KLRC1: variants seen among roughly 807,000 people sequenced by gnomAD.
The protein encoded by KLRC1 is killer cell lectin like receptor C1, also known as NKG2-A/NKG2-B type II integral membrane protein.
Under a neutral mutation model 25.9 loss-of-function variants are expected in KLRC1, and 22 were observed. That is an observed-to-expected ratio of 0.85 (90% CI 0.61 to 1.21). The LOEUF (loss-of-function observed/expected upper bound fraction) is 1.21, where lower values mean the gene tolerates loss of function less well. Ranked by LOEUF, KLRC1 falls within the 50% of genes most tolerant of loss-of-function variation. The probability of loss-of-function intolerance (pLI) is 0.00; values close to 1 mark genes in which losing one functional copy is unlikely to be tolerated. For synonymous variants in KLRC1, 77 were observed against 93.1 expected, an observed-to-expected ratio of 0.83 and a Z score of 0.99; for missense variants, 240 against 272.2, an observed-to-expected ratio of 0.88 and a Z score of 0.83.
chr12:10,444,286 A>G (rs1447195143), downstream of KLRC1, among the ~76,000 whole-genome samples: 2 of 145,152 alleles, frequency 1.4e-5, no homozygotes, highest in Non-Finnish European at 3.0e-5. Context: ...TAATGTTACA[A>G]TAGAGAGAAC....
At chr12:10,447,468 A>G (rs1461642397) in intron 6 of KLRC1, 64 bp downstream of exon 6, 51 of 1,293,710 alleles carry the variant, frequency 3.9e-5, no homozygotes, top group East Asian at 2.7e-4. Flanking sequence ...ATTTATTCAT[A>G]TTATTCTTCT....
intron 1 of KLRC1, 92 bp downstream of exon 1, chr12:10,453,106 T>G (rs753693510): frequency 2.0e-5 from 9 of 448,626 alleles, no homozygotes; most frequent in Admixed American, 6.4e-5. Flanking sequence ...TTATTGTATA[T>G]TAATTATACC....
upstream of KLRC1, chr12:10,454,468 G>T: frequency 4.1e-6 from 1 of 242,376 alleles, no homozygotes; most frequent in Non-Finnish European, 6.6e-6. Flanking sequence ...TAGTGTCTCA[G>T]GAGGTAGGCA....
rs754548593 is a variant in KLRC1, at chr12:10,446,591, C to T, written c.662G>A (p.Cys221Tyr). 1 of 1,613,950 alleles carries T rather than the reference C, an allele frequency of 6.2e-7. No homozygotes were observed. The highest frequency in any genetic ancestry group is 8.5e-7 in the Non-Finnish European group (1 of 1,179,910). The stretch of plus-strand genomic sequence containing the variant: ...ACAATGATATATTATTGAAGATCCA[C>T]ACTGGGCTGATTTAAGTCGATTTAC... ...LQVNRLKSAQ[C>Y]GSSIIYHCKH... Residue 221 changes from cysteine to tyrosine, a missense_variant, in exon 7 of 7, where the codon TGT becomes TAT. Transcript: ENST00000359151.
chr12:10,450,626 G>C (rs1370453538), intron 2 of KLRC1, 47 bp from the exon 3 acceptor site: 1 of 1,213,734 alleles, frequency 8.2e-7, no homozygotes, highest in Non-Finnish European at 1.2e-6. Context: ...GGTGGATACA[G>C]TCGTTTAGAA....
chr12:10,450,287 C>T (rs943892276), intron 3 of KLRC1, 197 bp downstream of exon 3: 4 of 500,620 alleles, frequency 8.0e-6, no homozygotes, highest in South Asian at 3.6e-5. Flanking sequence ...TATATACATA[C>T]GATTGCATCA....
intron 5 of KLRC1, 101 bp downstream of exon 5, chr12:10,449,136 A>G: frequency 6.9e-7 from 1 of 1,439,932 alleles, no homozygotes; most frequent in African/African-American, 1.4e-5. Context: ...TTGAAAACAT[A>G]TAAGCTAAAT....
intron 5 of KLRC1, 151 bp downstream of exon 5, chr12:10,449,086 T>A: frequency 9.4e-7 from 1 of 1,068,232 alleles, no homozygotes; most frequent in South Asian, 1.7e-5. Flanking sequence ...ATATGAATTT[T>A]AAAACATTAT....
chr12:10,447,676 A>C, intron 5 of KLRC1, 44 bp from the exon 6 acceptor site: 1 of 1,462,984 alleles, frequency 6.8e-7, no homozygotes, highest in Non-Finnish European at 9.3e-7. Context: ...TAATTATGAA[A>C]ACATTACAAA....
At chr12:10,448,402 C>A (rs1006041527) in intron 5 of KLRC1, among the ~76,000 whole-genome samples, 1 of 152,198 alleles carries the variant, frequency 6.6e-6, no homozygotes, top group Non-Finnish European at 1.5e-5. Flanking sequence ...GGAGTCCCCT[C>A]CGCAACAACA....
chr12:10,449,492 C>T (rs1047736906), intron 4 of KLRC1, 104 bp from the exon 5 acceptor site: 3 of 1,510,012 alleles, frequency 2.0e-6, no homozygotes, highest in African/African-American at 2.8e-5. Flanking sequence ...TGCAACATAT[C>T]TATACATCTT....
chr12:10,451,227 A>G, intron 1 of KLRC1, 40 bp from the exon 2 acceptor site: 1 of 1,292,282 alleles, frequency 7.7e-7, no homozygotes. Flanking sequence ...AATGGTTTAT[A>G]TACAGGATTC....
At chr12:10,448,759 A>G (rs71451708) in intron 5 of KLRC1, among the ~76,000 whole-genome samples, 2 of 152,254 alleles carry the variant, frequency 1.3e-5, no homozygotes, top group African/African-American at 4.8e-5. Context: ...TTCACAGTGT[A>G]TGATTCCCTT....
At chr12:10,454,580 C>T, upstream of KLRC1, 1 of 984,458 alleles carries the variant, frequency 1.0e-6, no homozygotes, top group Non-Finnish European at 1.2e-6. Context: ...ACAGAGACTT[C>T]CTGGGAGACA....
chr12:10,445,044 C>T (rs111268241), downstream of KLRC1, among the ~76,000 whole-genome samples: 10,191 of 150,788 alleles, frequency 0.068, 715 homozygotes, highest in South Asian at 0.26. Context: ...CTCAGCCTCT[C>T]GAGTAGCTGG....
intron 4 of KLRC1, 133 bp from the exon 5 acceptor site, chr12:10,449,521 T>C: frequency 6.9e-7 from 1 of 1,453,934 alleles, no homozygotes; most frequent in East Asian, 2.3e-5. Context: ...GGTAAATATA[T>C]AGTGTCAAAA....
chr12:10,450,546 C>A lies in KLRC1; in HGVS notation c.221G>T (p.Gly74Val), dbSNP rs560652029. The change falls in exon 3 of 7, where the codon GGG becomes GTG. Residue 74 changes from glycine to valine, a missense_variant. Coordinates refer to ENST00000359151, the MANE Select transcript of KLRC1 (RefSeq NM_002259.5). ...LPSAPEKLIV[G>V]ILGIICLILM... ...GATAAGACAGATAATTCCCAGGATC[C>A]CAACAATGAGCTTCTCTGGAGCTGA... 6.2e-7 allele frequency: 1 copy of A among 1,611,300 alleles called. No individual in the cohort carries two copies. Among genetic ancestry groups the A allele is most frequent in the Non-Finnish European group, 8.5e-7 (1 of 1,177,732 alleles).
At chr12:10,444,971 G>C (rs1275456607), downstream of KLRC1, among the ~76,000 whole-genome samples, 1 of 143,952 alleles carries the variant, frequency 6.9e-6, no homozygotes, top group Non-Finnish European at 1.5e-5. Context: ...CCAGGTTGGA[G>C]TGCAGTGGTG....
chr12:10,445,110 G>T (rs1863960083), downstream of KLRC1, among the ~76,000 whole-genome samples: 2 of 151,592 alleles, frequency 1.3e-5, no homozygotes, highest in African/African-American at 2.4e-5. Flanking sequence ...AGTACAGATG[G>T]GGTTTCAGCA....
Sources: gnomAD v4.1 joint callset for allele counts (sites outside exome capture counted in the v4.1 genomes callset) on GRCh38, gnomAD v4.1.1 for gene constraint, MANE v1.5 for transcripts, NCBI Gene and HGNC (gene_info 2026-07-23, HGNC 2026-07-21) for gene names.